The following FAM178B variants were observed in gnomAD, a reference collection of about 807,000 sequenced individuals.
FAM178B encodes the protein protein FAM178B.
A neutral mutation model predicts 91.7 loss-of-function variants in FAM178B; 82 were observed. The observed-to-expected ratio is 0.89, with a 90% CI of 0.75 to 1.07. The LOEUF is 1.07. Among genes scored for constraint, FAM178B ranks in the 50% least tolerant of loss-of-function variants. The probability of loss-of-function intolerance (pLI) is 0.00; values close to 1 mark genes in which losing one functional copy is unlikely to be tolerated. For missense variants in FAM178B, 769 were observed against 846.7 expected, an observed-to-expected ratio of 0.91 and a Z score of 1.14; for synonymous variants, 368 against 359.4, an observed-to-expected ratio of 1.02 and a Z score of -0.27.
chr2:96,877,047 G>C (rs878951988), intron 16 of FAM178B, among the ~76,000 whole-genome samples: 1 of 152,156 alleles, frequency 6.6e-6, no homozygotes, highest in South Asian at 2.1e-4. Flanking sequence ...TCTGTAAAAT[G>C]GGCTCCTGAC....
At chr2:96,939,548 G>C (rs2081691056) in intron 8 of FAM178B, among the ~76,000 whole-genome samples, 3 of 152,276 alleles carry the variant, frequency 2.0e-5, no homozygotes, top group Admixed American at 6.5e-5. Flanking sequence ...GGCAAAGTCA[G>C]AGAGCTGCTG....
chr2:96,881,181 T>C (rs2080372895), intron 14 of FAM178B, among the ~76,000 whole-genome samples: 9 of 148,706 alleles, frequency 6.1e-5, no homozygotes, highest in Admixed American at 4.8e-4. Flanking sequence ...GAGGCAGGCA[T>C]ATCACTTGAG....
intron 12 of FAM178B, among the ~76,000 whole-genome samples, chr2:96,908,237 C>T (rs954473759): frequency 3.3e-5 from 5 of 152,186 alleles, no homozygotes; most frequent in South Asian, 2.1e-4. Flanking sequence ...GGGACACAGT[C>T]GGCCACAGAC....
intron 4 of FAM178B, among the ~76,000 whole-genome samples, 173 bp downstream of exon 4, chr2:96,970,543 G>A (rs981830762): frequency 6.6e-6 from 1 of 152,130 alleles, no homozygotes; most frequent in Non-Finnish European, 1.5e-5. Flanking sequence ...TCTCTGCCTT[G>A]GTGATGCCAC....
intron 6 of FAM178B, 63 bp downstream of exon 6, chr2:96,960,225 C>T (rs1574305146): frequency 6.5e-7 from 1 of 1,528,694 alleles, no homozygotes; most frequent in Non-Finnish European, 8.8e-7. Context: ...TATCCCTGGA[C>T]TCCAGGAGGG....
At chr2:96,939,841 C>T (rs983124022) in intron 8 of FAM178B, among the ~76,000 whole-genome samples, 5 of 152,134 alleles carry the variant, frequency 3.3e-5, no homozygotes, top group Non-Finnish European at 7.4e-5. Flanking sequence ...TGAGATAGGC[C>T]AAGCCCTGGG....
intron 8 of FAM178B, among the ~76,000 whole-genome samples, chr2:96,941,701 A>G (rs2081733918): frequency 6.6e-6 from 1 of 152,208 alleles, no homozygotes; most frequent in African/African-American, 2.4e-5. Context: ...CCTCCTACAC[A>G]AATATTATAG....
chr2:96,970,807 G>C, intron 3 of FAM178B, 30 bp from the exon 4 acceptor site: 3 of 1,469,578 alleles, frequency 2.0e-6, no homozygotes, highest in Non-Finnish European at 2.8e-6. Context: ...GAATGAGGAC[G>C]ACAGAGAAGT....
At chr2:96,928,478 G>C (rs1017321570) in intron 9 of FAM178B, among the ~76,000 whole-genome samples, 1 of 152,148 alleles carries the variant, frequency 6.6e-6, no homozygotes, top group Non-Finnish European at 1.5e-5. Context: ...AGTCAGCCCG[G>C]GGCTCAACGG....
chr2:96,921,256 C>A lies in FAM178B; in HGVS notation c.1471G>T (p.Glu491Ter). 6.4e-7 allele frequency: 1 copy of A among 1,551,480 alleles called. No homozygotes were observed. The change falls in exon 12 of 17, where the codon GAA (glutamate) becomes TAA (stop). Residue 491 changes from glutamate (E) to a stop codon, truncating the protein, a stop_gained. Transcript: ENST00000490605. LOFTEE classifies it high-confidence loss of function. ...ACCCAGCTCAGGGTGCAGCACAGTTCCTGGAGCTGCAGGAGAACGGCACCC... is the reference window on the plus strand; with the variant it reads ...ACCCAGCTCAGGGTGCAGCACAGTTACTGGAGCTGCAGGAGAACGGCACCC... ...NIREWPGKLQ[E>*]LCCTLSWVSD...
intron 12 of FAM178B, among the ~76,000 whole-genome samples, chr2:96,916,646 C>T (rs980950121): frequency 4.6e-5 from 7 of 152,314 alleles, no homozygotes; most frequent in South Asian, 4.1e-4. Flanking sequence ...CCTCCAAGAA[C>T]CTCCTCTTCC....
chr2:96,920,268 C>T (rs1037894870), intron 12 of FAM178B, among the ~76,000 whole-genome samples: 3 of 152,164 alleles, frequency 2.0e-5, no homozygotes, highest in Admixed American at 6.5e-5. Flanking sequence ...GGCCTTATCT[C>T]CTCCTGGGCT....
At chr2:96,969,169 C>T (rs989457478) in intron 4 of FAM178B, among the ~76,000 whole-genome samples, 7 of 152,236 alleles carry the variant, frequency 4.6e-5, no homozygotes, top group Non-Finnish European at 8.8e-5. Flanking sequence ...ATCAGCTCCA[C>T]TATCCAGAGC....
chr2:96,923,371 T>C, intron 10 of FAM178B, 119 bp downstream of exon 10: 2 of 757,722 alleles, frequency 2.6e-6, no homozygotes, highest in Non-Finnish European at 4.5e-6. Context: ...GCCAGCACAG[T>C]GCCTGCCATG....
intron 8 of FAM178B, among the ~76,000 whole-genome samples, chr2:96,931,534 G>A (rs1027151444): frequency 6.6e-6 from 1 of 152,192 alleles, no homozygotes; most frequent in African/African-American, 2.4e-5. Flanking sequence ...AAAAGACGGA[G>A]GCAGGGCAGC....
chr2:96,881,297 A>T (rs1420197043), intron 14 of FAM178B, among the ~76,000 whole-genome samples: 1 of 150,574 alleles, frequency 6.6e-6, no homozygotes, highest in Non-Finnish European at 1.5e-5. Context: ...AAAAAGGAAG[A>T]AGCTGAGGCC....
intron 14 of FAM178B, 91 bp from the exon 15 acceptor site, chr2:96,878,584 T>A (rs1365144843): frequency 2.4e-6 from 3 of 1,260,990 alleles, no homozygotes; most frequent in Non-Finnish European, 3.4e-6. Flanking sequence ...ACTCTCAGGC[T>A]TGGCAGGCCA....
intron 5 of FAM178B, among the ~76,000 whole-genome samples, chr2:96,962,461 GAA>G (rs1553508560): frequency 3.4e-5 from 4 of 118,226 alleles, no homozygotes; most frequent in Admixed American, 3.2e-4. Context: ...AAGAAAGAAA[GAA>G]AAAAAAGCCT....
chr2:96,955,411 TAAGGCAGGAG>T (rs913888100), intron 6 of FAM178B, among the ~76,000 whole-genome samples: 4 of 151,838 alleles, frequency 2.6e-5, no homozygotes, highest in African/African-American at 9.7e-5. Context: ...CTCGGGAGGC[TAAGGCAGGAG>T]AATGGCGTGA....
Sources: allele counts gnomAD v4.1 joint callset (sites outside exome capture counted in the v4.1 genomes callset), GRCh38; gene constraint gnomAD v4.1.1; transcripts MANE v1.5; gene names NCBI Gene and HGNC (gene_info 2026-07-23, HGNC 2026-07-21).